The following FGGY variants were observed in gnomAD, a reference collection of about 807,000 sequenced individuals.
The protein encoded by FGGY is FGGY carbohydrate kinase domain containing, also known as FGGY carbohydrate kinase domain-containing protein.
A neutral mutation model predicts 71.3 loss-of-function variants in FGGY; 72 were observed. The ratio of observed to expected loss-of-function variants is 1.01; its 90% CI spans 0.84 to 1.23. FGGY has a LOEUF of 1.23. FGGY is among the 50% of genes most tolerant of loss of function. The probability of loss-of-function intolerance (pLI) is 0.00; values close to 1 mark genes in which losing one functional copy is unlikely to be tolerated. For missense variants in FGGY, 668 were observed against 682.3 expected (o/e 0.98, Z 0.23); for synonymous variants, 251 against 250.3 (o/e 1.00, Z -0.02).
In FGGY at chr1:59,406,843, TTATA is replaced by T. The variant is rs200463368; in HGVS notation, c.554+28010_554+28013del. On this transcript the variant is annotated intron_variant, in intron 5 of 15. Transcript: ENST00000303721. ...TATGATATGCATATATTTACTTAAA[TTATA>T]TATGCATATATTTAGCAATTATGAT... Among the ~76,000 whole-genome samples the T allele has an allele frequency of 2.7e-3, 412 of 152,338 alleles. 1 individual carries two copies. Among genetic ancestry groups the T allele is most frequent in the African/African-American group, 9.6e-3 (399 of 41,574 alleles).
At chr1:59,728,647 T>C (rs2097981677) in intron 14 of FGGY, among the ~76,000 whole-genome samples, 1 of 152,090 alleles carries the variant, frequency 6.6e-6, no homozygotes, top group Admixed American at 6.5e-5. Flanking sequence ...GATAGTTTCA[T>C]TGGGCATAGA....
intron 7 of FGGY, among the ~76,000 whole-genome samples, chr1:59,518,143 C>A (rs2094716868): frequency 6.6e-6 from 1 of 152,128 alleles, no homozygotes; most frequent in African/African-American, 2.4e-5. Flanking sequence ...CAGAGCCAGG[C>A]CAAAATGAGG....
At chr1:59,435,990 G>A (rs187852443) in intron 5 of FGGY, among the ~76,000 whole-genome samples, 5 of 152,246 alleles carry the variant, frequency 3.3e-5, no homozygotes, top group Non-Finnish European at 7.4e-5. Context: ...GGCTGGCCTG[G>A]TGTCACATTG....
intron 6 of FGGY, among the ~76,000 whole-genome samples, chr1:59,498,087 G>A (rs1358685313): frequency 6.6e-6 from 1 of 152,170 alleles, no homozygotes; most frequent in Non-Finnish European, 1.5e-5. Flanking sequence ...GATTCTACAT[G>A]AGTTAGCTTT....
intron 14 of FGGY, among the ~76,000 whole-genome samples, chr1:59,735,764 C>G (rs759855278): frequency 1.3e-5 from 2 of 152,192 alleles, no homozygotes; most frequent in African/African-American, 4.8e-5. Flanking sequence ...TGAGTCTCAA[C>G]TGTACTATAG....
intron 5 of FGGY, among the ~76,000 whole-genome samples, chr1:59,444,610 G>A (rs1441934959): frequency 1.3e-5 from 2 of 152,152 alleles, no homozygotes; most frequent in Non-Finnish European, 2.9e-5. Context: ...GCATGAGGTG[G>A]GCGGTGGGCT....
chr1:59,712,410 G>T (rs945370514), intron 14 of FGGY, among the ~76,000 whole-genome samples: 1 of 152,102 alleles, frequency 6.6e-6, no homozygotes, highest in Non-Finnish European at 1.5e-5. Context: ...GAGGTCGGTG[G>T]CCCTCTTCTC....
intron 14 of FGGY, among the ~76,000 whole-genome samples, chr1:59,740,470 A>C (rs1301447555): frequency 6.6e-6 from 1 of 152,236 alleles, no homozygotes; most frequent in Non-Finnish European, 1.5e-5. Context: ...TCGCAAGAGC[A>C]TATTGTGCAC....
chr1:59,380,188 T>C (rs1304330361), intron 5 of FGGY, among the ~76,000 whole-genome samples: 2 of 151,602 alleles, frequency 1.3e-5, no homozygotes, highest in African/African-American at 4.9e-5. Context: ...CTTAATCCAG[T>C]CTATCATTCA....
intron 8 of FGGY, among the ~76,000 whole-genome samples, chr1:59,569,808 A>ACTAATTCT (rs1388571063): frequency 1.3e-5 from 2 of 152,152 alleles, no homozygotes; most frequent in East Asian, 3.9e-4. Context: ...TCTTTTTTTC[A>ACTAATTCT]AATGAGACTC....
rs1306919239 is a variant in FGGY at position 59,533,660 on chromosome 1, A to C, written c.800-20464A>C. On this transcript the variant is annotated intron_variant, in intron 7 of 15. Coordinates refer to ENST00000303721, the MANE Select transcript of FGGY (RefSeq NM_018291.5). ...CGCAGCTGGAGACCTGAGAACGGGC[A>C]GACTGCCTCCTTAAGTGGGTCCCTG... Among the ~76,000 whole-genome samples, 6 of 152,328 alleles carry C rather than the reference A, an allele frequency of 3.9e-5. No homozygotes were observed. The East Asian group carries it at 1.2e-3, about 29-fold the overall frequency.
intron 14 of FGGY, among the ~76,000 whole-genome samples, chr1:59,686,997 A>G (rs530196658): frequency 1.3e-5 from 2 of 152,368 alleles, no homozygotes; most frequent in East Asian, 1.9e-4. Context: ...TTAGCTGACT[A>G]TAAGTCACAT....
At chr1:59,615,528 A>G (rs564257794) in intron 9 of FGGY, among the ~76,000 whole-genome samples, 170 of 152,368 alleles carry the variant, frequency 1.1e-3, no homozygotes, top group African/African-American at 4.0e-3. Flanking sequence ...TGTTAGACCT[A>G]CAACCATAAA....
intron 5 of FGGY, among the ~76,000 whole-genome samples, chr1:59,383,576 G>A (rs1430902854): frequency 6.6e-6 from 1 of 152,048 alleles, no homozygotes; most frequent in East Asian, 1.9e-4. Context: ...TGGAATTCAG[G>A]ACAAGCCAAC....
chr1:59,610,870 G>A (rs2096669641), intron 9 of FGGY, among the ~76,000 whole-genome samples: 1 of 152,230 alleles, frequency 6.6e-6, no homozygotes, highest in Non-Finnish European at 1.5e-5. Context: ...ATTATATCCT[G>A]CGCCTGGCTC....
intron 8 of FGGY, among the ~76,000 whole-genome samples, chr1:59,590,551 CA>C (rs2096410858): frequency 6.6e-6 from 1 of 152,104 alleles, no homozygotes; most frequent in Non-Finnish European, 1.5e-5. Flanking sequence ...AAAATACTGG[CA>C]AACCGAATCC....
chr1:59,730,350 G>C (rs1174170442), intron 14 of FGGY, among the ~76,000 whole-genome samples: 1 of 148,906 alleles, frequency 6.7e-6, no homozygotes, highest in African/African-American at 2.5e-5. Context: ...AAATGACTTA[G>C]ACAGTTTTTA....
chr1:59,423,417 G>T (rs991157415), intron 5 of FGGY, among the ~76,000 whole-genome samples: 1 of 152,036 alleles, frequency 6.6e-6, no homozygotes, highest in Admixed American at 6.5e-5. Context: ...CTCTGATACC[G>T]TGAAGATCAA....
At chr1:59,424,324 G>A (rs539063913) in intron 5 of FGGY, among the ~76,000 whole-genome samples, 19 of 152,330 alleles carry the variant, frequency 1.2e-4, no homozygotes, top group Admixed American at 4.6e-4. Context: ...CGAGGCAGGC[G>A]AATCATGAGG....
Sources: allele counts gnomAD v4.1 joint callset (sites outside exome capture counted in the v4.1 genomes callset), GRCh38; gene constraint gnomAD v4.1.1; transcripts MANE v1.5; gene names NCBI Gene and HGNC (gene_info 2026-07-23, HGNC 2026-07-21).